Variants in ITGB5 observed in about 807,000 individuals in gnomAD.
ITGB5 encodes integrin beta-5.
ITGB5 carries 38 observed loss-of-function variants against 84.8 expected under a neutral mutation model. The ratio of observed to expected loss-of-function variants is 0.45; its 90% CI spans 0.35 to 0.59. ITGB5 has a LOEUF of 0.59. ITGB5 is among the 20% of genes least tolerant of loss of function. ITGB5 has a pLI of 0.01. For missense variants in ITGB5, 905 were observed against 1,034.5 expected (o/e 0.87, Z 1.72); for synonymous variants, 393 against 414.4 (o/e 0.95, Z 0.63).
rs374269007 is a variant in ITGB5 at position 124,796,644 on chromosome 3, G to A, written c.1437C>T (p.Ser479=). 47 of 1,613,990 alleles carry A rather than the reference G, an allele frequency of 2.9e-5. No individual in the cohort carries two copies. Among genetic ancestry groups the A allele is most frequent in the East Asian group, 2.5e-4 (11 of 44,888 alleles). The change falls in exon 10 of 15, where the codon AGC becomes AGT. Residue 479 remains serine, a synonymous_variant. Coordinates refer to ENST00000296181, the MANE Select transcript of ITGB5 (RefSeq NM_002213.5). ...CACACAGGCCGCAGACATAGGTCCC[G>A]CTCCCGTTGCACCTGGCGCTGTTGG... The part of the protein sequence containing the change: ...LEPNSARCNG[S]GTYVCGLCEC...
intron 10 of ITGB5, among the ~76,000 whole-genome samples, chr3:124,777,268 T>C (rs1420740715): frequency 2.6e-5 from 4 of 152,198 alleles, no homozygotes; most frequent in Non-Finnish European, 4.4e-5. Context: ...AGCCAGAAGC[T>C]GCCAGGAAAG....
chr3:124,843,035 G>A (rs1264027995), intron 4 of ITGB5, among the ~76,000 whole-genome samples: 1 of 152,154 alleles, frequency 6.6e-6, no homozygotes, highest in Non-Finnish European at 1.5e-5. Flanking sequence ...CTCCCTGCCT[G>A]GCTTTCCTTT....
intron 4 of ITGB5, among the ~76,000 whole-genome samples, chr3:124,843,707 C>T (rs868789904): frequency 6.6e-6 from 1 of 152,162 alleles, no homozygotes. Context: ...TCTGACTTAA[C>T]CCCAGAGCAG....
At chr3:124,798,333 G>A (rs1232220501) in intron 9 of ITGB5, among the ~76,000 whole-genome samples, 5 of 152,090 alleles carry the variant, frequency 3.3e-5, no homozygotes, top group Non-Finnish European at 7.4e-5. Flanking sequence ...TTACAGGTGT[G>A]AGCTACTGCG....
At chr3:124,766,422 G>A (rs1016023592) in intron 12 of ITGB5, 77 bp from the exon 13 acceptor site, 43 of 1,550,002 alleles carry the variant, frequency 2.8e-5, no homozygotes, top group East Asian at 9.2e-5. Context: ...GCAGGGAGCC[G>A]AGTGCCTTGA....
chr3:124,787,168 C>G (rs1436248615), intron 10 of ITGB5, among the ~76,000 whole-genome samples: 1 of 152,266 alleles, frequency 6.6e-6, no homozygotes, highest in African/African-American at 2.4e-5. Flanking sequence ...ATCCTCGCCA[C>G]GGGGTTCTGT....
chr3:124,784,833 C>T (rs994506071), intron 10 of ITGB5, among the ~76,000 whole-genome samples: 10 of 152,236 alleles, frequency 6.6e-5, no homozygotes, highest in Admixed American at 2.0e-4. Flanking sequence ...AACTCGCCAC[C>T]CTCTTGGTCA....
intron 10 of ITGB5, among the ~76,000 whole-genome samples, chr3:124,782,534 A>C (rs1274241505): frequency 1.3e-5 from 2 of 152,204 alleles, no homozygotes; most frequent in African/African-American, 4.8e-5. Flanking sequence ...TCAGTGAAGG[A>C]AGGCAGCAAG....
chr3:124,792,210 G>C (rs190405846), intron 10 of ITGB5: 2 of 152,122 alleles, frequency 1.3e-5, no homozygotes, highest in African/African-American at 4.8e-5. Context: ...AAAGTCATTC[G>C]ACTTCAAGTG....
intron 4 of ITGB5, among the ~76,000 whole-genome samples, chr3:124,847,474 C>T (rs556466124): frequency 3.7e-4 from 57 of 152,226 alleles, no homozygotes; most frequent in Non-Finnish European, 4.6e-4. Context: ...CCTGGGCCTA[C>T]AGCTACACTA....
chr3:124,874,165 T>C (rs2107640853), intron 1 of ITGB5, among the ~76,000 whole-genome samples: 1 of 151,616 alleles, frequency 6.6e-6, no homozygotes, highest in East Asian at 1.9e-4. Flanking sequence ...CCTAGGAGTC[T>C]GAAACCGACC....
intron 7 of ITGB5, among the ~76,000 whole-genome samples, chr3:124,819,192 C>T (rs1054345730): frequency 6.6e-6 from 1 of 151,996 alleles, no homozygotes; most frequent in Non-Finnish European, 1.5e-5. Context: ...GAATTCCTGC[C>T]CCAGACTAAA....
chr3:124,895,977 C>T (rs760230781), intron 1 of ITGB5, among the ~76,000 whole-genome samples: 5 of 152,242 alleles, frequency 3.3e-5, no homozygotes, highest in Non-Finnish European at 7.3e-5. Flanking sequence ...ATAATTACCA[C>T]TTGCAAAGCC....
chr3:124,841,612 T>C (rs2065012909), intron 4 of ITGB5, 61 bp from the exon 5 acceptor site: 2 of 1,555,024 alleles, frequency 1.3e-6, no homozygotes, highest in East Asian at 2.2e-5. Context: ...TAACCAAGTG[T>C]TCTGAGCATT....
chr3:124,846,509 C>T (rs548371841), intron 4 of ITGB5, among the ~76,000 whole-genome samples: 1 of 151,806 alleles, frequency 6.6e-6, no homozygotes, highest in African/African-American at 2.4e-5. Flanking sequence ...TGCAGCATAA[C>T]CTACCATGAT....
At chr3:124,803,938 G>A (rs908087088) in intron 9 of ITGB5, among the ~76,000 whole-genome samples, 3 of 152,178 alleles carry the variant, frequency 2.0e-5, no homozygotes, top group Non-Finnish European at 4.4e-5. Flanking sequence ...CCATCTGTCA[G>A]CATGAAAAAC....
At chr3:124,775,751 C>T (rs1359288804) in intron 10 of ITGB5, among the ~76,000 whole-genome samples, 1 of 152,182 alleles carries the variant, frequency 6.6e-6, no homozygotes, top group South Asian at 2.1e-4. Flanking sequence ...ATCCCAGCAC[C>T]TTCCCTGGAC....
chr3:124,899,174 C>G (rs1159937614), intron 1 of ITGB5, among the ~76,000 whole-genome samples: 1 of 152,142 alleles, frequency 6.6e-6, no homozygotes, highest in Admixed American at 6.5e-5. Flanking sequence ...GCTTTCAAAT[C>G]TTAGCCCTGA....
At chr3:124,798,795 AT>A (rs913001261) in intron 9 of ITGB5, among the ~76,000 whole-genome samples, 3 of 152,194 alleles carry the variant, frequency 2.0e-5, no homozygotes, top group African/African-American at 7.2e-5. Flanking sequence ...TTACTTTGAG[AT>A]TTTTACTGGT....
Sources: allele counts gnomAD v4.1 joint callset (sites outside exome capture counted in the v4.1 genomes callset), GRCh38; gene constraint gnomAD v4.1.1; transcripts MANE v1.5; gene names NCBI Gene and HGNC (gene_info 2026-07-23, HGNC 2026-07-21).